NDUFA12: variants seen among roughly 807,000 people sequenced by gnomAD.
NDUFA12 encodes NADH:ubiquinone oxidoreductase subunit A12.
A neutral mutation model predicts 20.3 loss-of-function variants in NDUFA12; 17 were observed. The observed-to-expected ratio is 0.84, with a 90% CI of 0.57 to 1.26. NDUFA12 has a LOEUF of 1.26. Ranked by LOEUF, NDUFA12 falls within the 50% of genes most tolerant of loss-of-function variation. NDUFA12 has a pLI of 0.00. For synonymous variants in NDUFA12, 72 were observed against 63.6 expected (o/e 1.13, Z -0.63); for missense variants, 191 against 183.7 (o/e 1.04, Z -0.23).
chr12:94,992,356 A>G (rs1874672917), intron 3 of NDUFA12, among the ~76,000 whole-genome samples: 1 of 152,180 alleles, frequency 6.6e-6, no homozygotes, highest in Non-Finnish European at 1.5e-5. Flanking sequence ...ACCCCCAGAG[A>G]GGTTAAGGAA....
chr12:94,980,849 A>C (rs989556864), intron 3 of NDUFA12, among the ~76,000 whole-genome samples: 56 of 152,192 alleles, frequency 3.7e-4, no homozygotes, highest in Admixed American at 3.7e-3. Flanking sequence ...AAGGACTTCA[A>C]GGTTCCAATA....
chr12:95,001,925 G>T (rs945433945), intron 2 of NDUFA12, among the ~76,000 whole-genome samples: 1 of 151,678 alleles, frequency 6.6e-6, no homozygotes, highest in Non-Finnish European at 1.5e-5. Flanking sequence ...GGATGCTCTC[G>T]ATCTCCTGAC....
At chr12:94,988,283 T>A (rs920502435) in intron 3 of NDUFA12, among the ~76,000 whole-genome samples, 3 of 152,226 alleles carry the variant, frequency 2.0e-5, no homozygotes, top group African/African-American at 7.2e-5. Context: ...TTTGTTACTT[T>A]CCTGATATTT....
chr12:94,981,274 A>ATACATACC, intron 3 of NDUFA12, among the ~76,000 whole-genome samples: 1 of 151,000 alleles, frequency 6.6e-6, no homozygotes, highest in Admixed American at 6.6e-5. Context: ...TACTAAATAC[A>ATACATACC]TACATACATA....
intron 3 of NDUFA12, among the ~76,000 whole-genome samples, chr12:94,973,968 C>CTTTTTTT (rs35862087): frequency 9.9e-6 from 1 of 100,954 alleles, no homozygotes; most frequent in Non-Finnish European, 2.0e-5. Context: ...ACTCTTGGGT[C>CTTTTTTT]TTTTTTTTTT....
intron 3 of NDUFA12, among the ~76,000 whole-genome samples, chr12:94,988,340 G>A (rs987625188): frequency 4.6e-5 from 7 of 152,118 alleles, no homozygotes; most frequent in African/African-American, 1.4e-4. Context: ...TTTGCAAGAC[G>A]TACACACTAA....
intron 2 of NDUFA12, among the ~76,000 whole-genome samples, chr12:94,995,901 A>ATTT (rs199922662): frequency 1.2e-4 from 18 of 148,432 alleles, no homozygotes; most frequent in African/African-American, 3.7e-4. Context: ...AATGCTGTGC[A>ATTT]TTTTTTTTTT....
chr12:94,994,295 T>A (rs758031142), intron 2 of NDUFA12, 38 bp from the exon 3 acceptor site: 20 of 1,559,670 alleles, frequency 1.3e-5, no homozygotes, highest in Non-Finnish European at 1.8e-6. Flanking sequence ...GAAAAACTTT[T>A]TTTTTTAAAG....
intron 3 of NDUFA12, among the ~76,000 whole-genome samples, chr12:94,993,511 G>A (rs1375201869): frequency 1.3e-5 from 2 of 149,372 alleles, no homozygotes; most frequent in South Asian, 4.3e-4. Flanking sequence ...TGTAGTCCCA[G>A]CTACTCGGGA....
At chr12:94,986,062 G>A (rs1874426332) in intron 3 of NDUFA12, among the ~76,000 whole-genome samples, 1 of 150,060 alleles carries the variant, frequency 6.7e-6, no homozygotes, top group African/African-American at 2.5e-5. Context: ...CCCAGTCTGG[G>A]CGACAAGAGC....
chr12:95,000,222 G>A (rs2136073341), intron 2 of NDUFA12, among the ~76,000 whole-genome samples: 1 of 152,238 alleles, frequency 6.6e-6, no homozygotes, highest in East Asian at 1.9e-4. Flanking sequence ...AAGTAACTCA[G>A]GAATGATAAA....
At position 95,001,461 on chromosome 12, in the gene NDUFA12, A is replaced by G. The variant is rs573189314; in HGVS notation, c.169+1278T>C. Among the ~76,000 whole-genome samples the G allele has an allele frequency of 1.0e-3, 156 of 152,116 alleles. 1 individual carries two copies. Among genetic ancestry groups the G allele is most frequent in the African/African-American group, 3.6e-3 (149 of 41,490 alleles). On this transcript the variant is annotated intron_variant, in intron 2 of 3. Transcript: ENST00000327772. Reference sequence around the variant, plus strand: ...ATAGCAAGACCTCGTCTCTCCAAAAAAAAATTTTTTTAAACAATTAGCCAG... The same window carrying G: ...ATAGCAAGACCTCGTCTCTCCAAAAGAAAATTTTTTTAAACAATTAGCCAG...
chr12:94,974,821 A>G (rs1365940267), intron 3 of NDUFA12, among the ~76,000 whole-genome samples: 1 of 151,726 alleles, frequency 6.6e-6, no homozygotes, highest in Non-Finnish European at 1.5e-5. Flanking sequence ...GGAGATAGAG[A>G]GTAGAAGAAT....
chr12:95,003,310 G>A (rs1444397087), intron 1 of NDUFA12, among the ~76,000 whole-genome samples: 2 of 152,308 alleles, frequency 1.3e-5, no homozygotes, highest in Admixed American at 6.5e-5. Context: ...GGGTCACTGA[G>A]TTAATGTCTT....
At chr12:94,986,085 C>CTAAATAAA (rs57582405) in intron 3 of NDUFA12, among the ~76,000 whole-genome samples, 15,038 of 136,068 alleles carry the variant, frequency 0.11, 1,161 homozygotes, top group African/African-American at 0.23. Flanking sequence ...AACTCTGTCT[C>CTAAATAAA]TAAATAAATA....
chr12:94,971,938 T>C (rs997636537), intron 3 of NDUFA12: 26 of 435,236 alleles, frequency 6.0e-5, no homozygotes, highest in South Asian at 3.3e-4. Flanking sequence ...TTTCTTTCTT[T>C]TGGAGACAGG....
rs574840605 is a variant in NDUFA12, at chr12:94,989,189, T to C, written c.257+4981A>G. On this transcript the variant is annotated intron_variant, in intron 3 of 3. Transcript: ENST00000327772. ...CACCTGACCCTTCCATTGCTCTTGATTCCCATGAGGCCCAGCTTCATATTA... is the reference window on the plus strand; with the variant it reads ...CACCTGACCCTTCCATTGCTCTTGACTCCCATGAGGCCCAGCTTCATATTA... Among the ~76,000 whole-genome samples, 7 of 152,308 alleles carry C rather than the reference T, an allele frequency of 4.6e-5. No homozygotes were observed. In the East Asian group the frequency reaches 1.3e-3, roughly 29 times the overall value.
At chr12:95,001,220 G>C (rs758831614) in intron 2 of NDUFA12, among the ~76,000 whole-genome samples, 1 of 152,078 alleles carries the variant, frequency 6.6e-6, no homozygotes, top group African/African-American at 2.4e-5. Flanking sequence ...GCAGGAGGAA[G>C]GCTAGAACCC....
At chr12:94,987,870 C>T (rs10777666) in intron 3 of NDUFA12, among the ~76,000 whole-genome samples, 47,489 of 148,924 alleles carry the variant, frequency 0.32, 7,946 homozygotes, top group East Asian at 0.42. Context: ...TTTCTGAAAG[C>T]AGGAGAAAAA....
Sources: allele counts gnomAD v4.1 joint callset (sites outside exome capture counted in the v4.1 genomes callset), GRCh38; gene constraint gnomAD v4.1.1; transcripts MANE v1.5; gene names NCBI Gene and HGNC (gene_info 2026-07-23, HGNC 2026-07-21).